EML5: variants seen among roughly 807,000 people sequenced by gnomAD.
The protein encoded by EML5 is echinoderm microtubule-associated protein-like 5.
Under a neutral mutation model 250.0 loss-of-function variants are expected in EML5, and 120 were observed. The observed-to-expected ratio is 0.48, with a 90% CI of 0.41 to 0.56. The LOEUF is 0.56. Ranked by LOEUF, EML5 falls within the 20% of genes least tolerant of loss-of-function variation. The pLI is 0.00. For missense variants in EML5, 2,006 were observed against 2,437.6 expected (o/e 0.82, Z 3.73); for synonymous variants, 771 against 806.5 (o/e 0.96, Z 0.75).
chr14:88,659,400 C>T (rs925045783), intron 25 of EML5, among the ~76,000 whole-genome samples: 1 of 151,972 alleles, frequency 6.6e-6, no homozygotes, highest in African/African-American at 2.4e-5. Flanking sequence ...TTAATAGAGA[C>T]GGGGTTTCAC....
At chr14:88,744,835 A>T (rs1246560899) in intron 3 of EML5, among the ~76,000 whole-genome samples, 1 of 152,078 alleles carries the variant, frequency 6.6e-6, no homozygotes, top group Non-Finnish European at 1.5e-5. Flanking sequence ...CATTTTTGGT[A>T]TACTAAAATG....
intron 1 of EML5, among the ~76,000 whole-genome samples, chr14:88,757,105 G>A (rs953171675): frequency 6.6e-6 from 1 of 152,176 alleles, no homozygotes; most frequent in East Asian, 1.9e-4. Context: ...TCAAGACAGT[G>A]TGGTACTGGC....
At chr14:88,665,558 G>C in intron 21 of EML5, 69 bp from the exon 22 acceptor site, 1 of 1,592,392 alleles carries the variant, frequency 6.3e-7, no homozygotes. Context: ...CAGGTGTGGT[G>C]GCTCATGCCT....
At chr14:88,708,133 G>A (rs2093348579) in intron 10 of EML5, among the ~76,000 whole-genome samples, 1 of 152,246 alleles carries the variant, frequency 6.6e-6, no homozygotes, top group East Asian at 1.9e-4. Flanking sequence ...AAACAAGAAA[G>A]TTGTAAAATA....
chr14:88,736,618 C>G, intron 6 of EML5, 53 bp from the exon 7 acceptor site: 5 of 1,557,150 alleles, frequency 3.2e-6, no homozygotes, highest in Admixed American at 1.7e-5. Context: ...ATGATAGCAG[C>G]AGGAGGCAGA....
Position 88,657,404 on chromosome 14 carries a change from GT to G in EML5, c.3975del (p.Leu1325PhefsTer14). ...TCATCAATTGAGGGTTCTTTTTGTT[GT>G]AAATGAGGCTTGATTCCTAACATTG... Reference protein sequence around the residue: ...IRPMLGIKPHLQQKEPSIDER... With the variant: ...IRPMLGIKPHXQQKEPSIDER... On this transcript the variant is annotated frameshift_variant, in exon 27 of 44. Coordinates refer to ENST00000554922, the MANE Select transcript of EML5 (RefSeq NM_183387.3). LOFTEE classifies it high-confidence loss of function. 6.3e-7 allele frequency: 1 copy of G among 1,585,850 alleles called. No homozygotes were observed. Among genetic ancestry groups the G allele is most frequent in the Non-Finnish European group, 8.6e-7 (1 of 1,163,694 alleles).
chr14:88,721,567 C>T (rs768406418), intron 8 of EML5, among the ~76,000 whole-genome samples: 4 of 151,992 alleles, frequency 2.6e-5, no homozygotes, highest in Non-Finnish European at 5.9e-5. Flanking sequence ...CAGCTATATG[C>T]GGAAAACTGA....
intron 14 of EML5, among the ~76,000 whole-genome samples, chr14:88,698,333 T>C (rs1164031645): frequency 2.0e-5 from 3 of 150,336 alleles, no homozygotes; most frequent in South Asian, 2.1e-4. Flanking sequence ...TGGCATGATG[T>C]TGGCTCACTG....
chr14:88,783,345 G>T (rs1009465392), intron 1 of EML5, among the ~76,000 whole-genome samples: 3 of 152,146 alleles, frequency 2.0e-5, no homozygotes, highest in Non-Finnish European at 4.4e-5. Context: ...CCAATCAAAA[G>T]AAATAGAGTA....
chr14:88,749,933 G>A (rs1346151611), intron 2 of EML5, among the ~76,000 whole-genome samples: 1 of 152,064 alleles, frequency 6.6e-6, no homozygotes, highest in Non-Finnish European at 1.5e-5. Flanking sequence ...TTAGAGCAGG[G>A]GTCAGCAAAG....
At chr14:88,760,119 TA>T (rs2094217742) in intron 1 of EML5, among the ~76,000 whole-genome samples, 1 of 152,232 alleles carries the variant, frequency 6.6e-6, no homozygotes, top group Admixed American at 6.5e-5. Context: ...TCCCAGACTG[TA>T]GCTTTTCTTT....
At position 88,740,575 on chromosome 14, in the gene EML5, A is replaced by G; in HGVS notation, c.526-3T>C. On this transcript the variant is annotated splice_region_variant and splice_polypyrimidine_tract_variant and intron_variant, in intron 4 of 43. Transcript: ENST00000554922. The stretch of plus-strand genomic sequence containing the variant: ...GCATTTCCACATAAACTCCAGAACT[A>G]AAAGGTATATAGTATAATCAAATTA... 1 of 1,602,624 alleles carries G rather than the reference A, an allele frequency of 6.2e-7. No homozygotes were observed. Among genetic ancestry groups the G allele is most frequent in the Middle Eastern group, 1.7e-4 (1 of 6,000 alleles).
At chr14:88,780,801 T>C (rs186496349) in intron 1 of EML5, among the ~76,000 whole-genome samples, 38 of 152,256 alleles carry the variant, frequency 2.5e-4, no homozygotes, top group African/African-American at 9.1e-4. Flanking sequence ...TCTCGATCTC[T>C]TGACCTCGTG....
intron 21 of EML5, among the ~76,000 whole-genome samples, chr14:88,679,606 C>T (rs747337620): frequency 1.1e-4 from 16 of 152,084 alleles, no homozygotes; most frequent in African/African-American, 2.9e-4. Flanking sequence ...GCAGAAGAAT[C>T]GCTTGAACCT....
At chr14:88,735,723 C>T (rs1480585967) in intron 7 of EML5, among the ~76,000 whole-genome samples, 1 of 152,136 alleles carries the variant, frequency 6.6e-6, no homozygotes, top group African/African-American at 2.4e-5. Context: ...ATGATATTCA[C>T]TGCAAGCCCT....
intron 1 of EML5, among the ~76,000 whole-genome samples, chr14:88,766,392 G>C (rs2094320404): frequency 6.6e-6 from 1 of 152,144 alleles, no homozygotes. Flanking sequence ...TGTTCCCAAG[G>C]GGAGGTCTCT....
chr14:88,789,417 G>A (rs540349351), intron 1 of EML5, among the ~76,000 whole-genome samples: 11 of 152,256 alleles, frequency 7.2e-5, no homozygotes, highest in African/African-American at 9.6e-5. Flanking sequence ...ACAAGTAGAT[G>A]GCAAAAAGAA....
chr14:88,616,052 A>G, intron 43 of EML5, 90 bp downstream of exon 43: 1 of 1,421,304 alleles, frequency 7.0e-7, no homozygotes. Flanking sequence ...TGACTAGCTG[A>G]TTTCATAAAC....
chr14:88,649,116 A>C (rs1179462863), intron 28 of EML5, among the ~76,000 whole-genome samples: 1 of 151,816 alleles, frequency 6.6e-6, no homozygotes, highest in Non-Finnish European at 1.5e-5. Context: ...TGCAGCCTCA[A>C]ACTCCCAGGC....
Sources: gnomAD v4.1 joint callset for allele counts (sites outside exome capture counted in the v4.1 genomes callset) on GRCh38, gnomAD v4.1.1 for gene constraint, MANE v1.5 for transcripts, NCBI Gene and HGNC (gene_info 2026-07-23, HGNC 2026-07-21) for gene names.